The following EMILIN2 variants were observed in gnomAD, a reference collection of about 807,000 sequenced individuals.
EMILIN2 encodes the protein EMILIN-2.
Under a neutral mutation model 87.1 loss-of-function variants are expected in EMILIN2, and 71 were observed. The ratio of observed to expected loss-of-function variants is 0.82; its 90% CI spans 0.67 to 0.99. The LOEUF is 0.99. Among genes scored for constraint, EMILIN2 ranks in the 50% least tolerant of loss-of-function variants. The pLI is 0.00. For synonymous variants in EMILIN2, 581 were observed against 563.4 expected (o/e 1.03, Z -0.44); for missense variants, 1,407 against 1,371.8 (o/e 1.03, Z -0.40).
chr18:2,862,208 A>G (rs1470177662), intron 2 of EMILIN2, among the ~76,000 whole-genome samples: 1 of 152,092 alleles, frequency 6.6e-6, no homozygotes, highest in Non-Finnish European at 1.5e-5. Flanking sequence ...CTCCTTTCCT[A>G]ATTGAATACC....
Position 2,847,662 on chromosome 18 carries a change from C to A in EMILIN2, c.135-147C>A. ...AGAGGCGCACCCGGGCACCCTCCGG[C>A]GTCTGCTCGGTGAAGCTCCCGCCTC... On this transcript the variant is annotated intron_variant, in intron 1 of 7. Transcript: ENST00000254528. The surrounding 1 kb of genome is among the most constrained non-coding windows in gnomAD (Gnocchi z 4.5). 1 of 1,304,708 alleles carries A rather than the reference C, an allele frequency of 7.7e-7. No homozygotes were observed. The highest frequency in any genetic ancestry group is 1.0e-6 in the Non-Finnish European group (1 of 985,818). The allele number at this position is 1,304,708 out of a possible 1,614,324, so 80.8% of individuals were successfully genotyped here.
Position 2,906,908 on chromosome 18 carries a change from C to A in EMILIN2, c.2485C>A (p.Arg829=). 1.4e-6 allele frequency: 2 copies of A among 1,393,014 alleles called. No individual in the cohort carries two copies. Among genetic ancestry groups the A allele is most frequent in the Non-Finnish European group, 1.9e-6 (2 of 1,070,918 alleles). The allele number at this position is 1,393,014 out of a possible 1,614,324, so 86.3% of individuals were successfully genotyped here. ...DPGRRPVLPQ[R]PPEERPPQPP... ...TGGGCGACGGCCCGTCCTGCCCCAG[C>A]GGCCCCCCGAGGAGAGGCCGCCCCA... Residue 829 remains arginine, a synonymous_variant, in exon 5 of 8, where the codon CGG becomes AGG. Coordinates refer to ENST00000254528, the MANE Select transcript of EMILIN2 (RefSeq NM_032048.3).
At chr18:2,861,944 T>C (rs1307829957) in intron 2 of EMILIN2, among the ~76,000 whole-genome samples, 1 of 152,240 alleles carries the variant, frequency 6.6e-6, no homozygotes, top group Non-Finnish European at 1.5e-5. Context: ...GAAGAGGTCC[T>C]TCACAATCCT....
chr18:2,884,887 T>C, intron 2 of EMILIN2, 77 bp from the exon 3 acceptor site: 1 of 1,481,414 alleles, frequency 6.8e-7, no homozygotes, highest in Non-Finnish European at 9.1e-7. Context: ...CCCTGAGTCC[T>C]CTTTATTTGG....
intron 2 of EMILIN2, among the ~76,000 whole-genome samples, chr18:2,878,517 A>G (rs1414618726): frequency 6.6e-6 from 1 of 152,114 alleles, no homozygotes; most frequent in Non-Finnish European, 1.5e-5. Flanking sequence ...AAAGAGGCTA[A>G]ATTTCATGTT....
At chr18:2,858,561 A>ATGTGTG (rs2076641776) in intron 2 of EMILIN2, among the ~76,000 whole-genome samples, 1 of 67,412 alleles carries the variant, frequency 1.5e-5, no homozygotes, top group African/African-American at 1.2e-4. Context: ...ATATATATAT[A>ATGTGTG]TATATATATG....
intron 4 of EMILIN2, among the ~76,000 whole-genome samples, chr18:2,901,924 G>A (rs887637653): frequency 6.6e-6 from 1 of 152,124 alleles, no homozygotes; most frequent in Non-Finnish European, 1.5e-5. Flanking sequence ...ATGATGTGGC[G>A]GGCTGCTTTG....
intron 2 of EMILIN2, among the ~76,000 whole-genome samples, chr18:2,873,282 T>C (rs1183208464): frequency 2.0e-5 from 3 of 151,998 alleles, no homozygotes; most frequent in Non-Finnish European, 4.4e-5. Flanking sequence ...TGGTGGCACA[T>C]GCCTGTAATC....
intron 4 of EMILIN2, among the ~76,000 whole-genome samples, chr18:2,900,255 A>T (rs937090752): frequency 6.6e-5 from 10 of 152,136 alleles, no homozygotes; most frequent in African/African-American, 2.4e-4. Context: ...TGGTGTGATT[A>T]TATCTCACTA....
intron 2 of EMILIN2, among the ~76,000 whole-genome samples, chr18:2,881,829 C>T (rs555557155): frequency 1.3e-5 from 2 of 152,234 alleles, no homozygotes; most frequent in African/African-American, 4.8e-5. Context: ...GCTTTCTTCC[C>T]TTTTTACATT....
intron 2 of EMILIN2, among the ~76,000 whole-genome samples, chr18:2,858,929 C>G (rs1331426551): frequency 6.6e-6 from 1 of 152,146 alleles, no homozygotes; most frequent in Non-Finnish European, 1.5e-5. Context: ...AGCCACCACA[C>G]CCGGCCCTAT....
intron 2 of EMILIN2, among the ~76,000 whole-genome samples, chr18:2,876,417 G>C (rs1305640964): frequency 2.0e-5 from 3 of 152,092 alleles, no homozygotes; most frequent in African/African-American, 7.2e-5. Context: ...ACAGTCTCCT[G>C]TAGAATATTT....
At chr18:2,853,349 G>C (rs780106185) in intron 2 of EMILIN2, among the ~76,000 whole-genome samples, 10 of 152,166 alleles carry the variant, frequency 6.6e-5, no homozygotes, top group Non-Finnish European at 1.5e-4. Context: ...GCCCGTCAGT[G>C]TGGTGGACGC....
chr18:2,874,075 C>T (rs1269371475), intron 2 of EMILIN2, among the ~76,000 whole-genome samples: 5 of 151,922 alleles, frequency 3.3e-5, no homozygotes, highest in African/African-American at 7.3e-5. Flanking sequence ...CTTAAAAGTC[C>T]GTTGGCCACC....
intron 2 of EMILIN2, among the ~76,000 whole-genome samples, chr18:2,869,496 G>A (rs1399923515): frequency 6.6e-6 from 1 of 152,140 alleles, no homozygotes; most frequent in Non-Finnish European, 1.5e-5. Context: ...ATATTTTAAA[G>A]TTTTATGTAA....
chr18:2,899,163 T>C (rs1028052047), intron 4 of EMILIN2, among the ~76,000 whole-genome samples: 4 of 152,098 alleles, frequency 2.6e-5, no homozygotes, highest in African/African-American at 9.7e-5. Context: ...GGCCAGGAAT[T>C]TGTAATTAAA....
intron 2 of EMILIN2, among the ~76,000 whole-genome samples, chr18:2,863,556 C>G (rs2076671785): frequency 6.6e-5 from 10 of 152,128 alleles, no homozygotes; most frequent in Admixed American, 6.6e-4. Context: ...ATCCTGAGTT[C>G]TAGTTTGATT....
chr18:2,885,623 A>G (rs1451886036), intron 3 of EMILIN2, among the ~76,000 whole-genome samples: 2 of 152,114 alleles, frequency 1.3e-5, no homozygotes, highest in African/African-American at 4.8e-5. Flanking sequence ...GGTTCAAGCA[A>G]TTCTCCTGCC....
rs1322482034 is a variant in EMILIN2, at chr18:2,858,597, A to G, written c.257+10666A>G. 5.5e-4 allele frequency among the ~76,000 whole-genome samples: 60 copies of G among 109,652 alleles called. 5 individuals are homozygous for G. Among genetic ancestry groups the G allele is most frequent in the African/African-American group, 1.6e-3 (31 of 19,242 alleles). 71.9% of individuals were successfully genotyped at this position (109,652 alleles called of 152,430 possible). A position where few individuals can be genotyped will look rare whatever the true frequency, so the allele number is the denominator to read the frequency against. The stretch of plus-strand genomic sequence containing the variant: ...TGTGTGTGTGTGTATATATATATAT[A>G]TATATGTGTATATATATATATGTTC... On this transcript the variant is annotated intron_variant, in intron 2 of 7. Transcript: ENST00000254528.
Sources: allele counts gnomAD v4.1 joint callset (sites outside exome capture counted in the v4.1 genomes callset), GRCh38; gene constraint gnomAD v4.1.1; non-coding constraint Gnocchi (gnomAD v3.1); transcripts MANE v1.5; gene names NCBI Gene and HGNC (gene_info 2026-07-23, HGNC 2026-07-21).